FOXJ1: variants seen among roughly 807,000 people sequenced by gnomAD.
FOXJ1 encodes forkhead box J1.
Under a neutral mutation model 29.3 loss-of-function variants are expected in FOXJ1, and 8 were observed. The observed-to-expected ratio is 0.27, with a 90% CI of 0.16 to 0.49. The LOEUF is 0.49. Ranked by LOEUF, FOXJ1 falls within the 20% of genes least tolerant of loss-of-function variation. The pLI, the probability that FOXJ1 is intolerant of heterozygous loss-of-function variation, is 0.98. For missense variants in FOXJ1, 539 were observed against 595.5 expected (o/e 0.91, Z 0.99); for synonymous variants, 280 against 278.7 (o/e 1.00, Z -0.05).
chr17:76,140,128 T>C lies in FOXJ1; in HGVS notation c.268A>G (p.Lys90Glu). 6.3e-7 allele frequency: 1 copy of C among 1,581,054 alleles called. No individual in the cohort carries two copies. The highest frequency in any genetic ancestry group is 8.5e-7 in the Non-Finnish European group (1 of 1,170,814). Residue 90 changes from lysine to glutamate, a missense_variant, in exon 2 of 3, where the codon AAG (lysine) becomes GAG (glutamate). This residue lies in a region of FOXJ1 where 178 missense variants were observed against 254.4 expected (regional missense o/e 0.70). Coordinates refer to ENST00000322957, the MANE Select transcript of FOXJ1 (RefSeq NM_001454.4). This position sits in a 1 kb window ranked among gnomAD's most constrained non-coding sequence, Gnocchi z 8.0. ...ACLGQPHTPG[K>E]PTSSCTSRSA... ...CGCGACGTGCACGACGACGTGGGCTTGCCCGGCGTGTGTGGCTGCCCCAGG... is the reference window on the plus strand; with the variant it reads ...CGCGACGTGCACGACGACGTGGGCTCGCCCGGCGTGTGTGGCTGCCCCAGG...
chr17:76,139,767 G>A lies in FOXJ1; in HGVS notation c.498+131C>T. 1 of 937,404 alleles carries A rather than the reference G, an allele frequency of 1.1e-6. No individual in the cohort carries two copies. The highest frequency in any genetic ancestry group is 1.6e-6 in the Non-Finnish European group (1 of 625,022). The allele number at this position is 937,404 out of a possible 1,614,324, so 58.1% of individuals were successfully genotyped here. A position where few individuals can be genotyped will look rare whatever the true frequency, so the allele number is the denominator to read the frequency against. ...GTTGCAAGAACTGGGCTCCTTTGCA[G>A]GGCTCCCTTCTGGGGCGCTGGCCGC... On this transcript the variant is annotated intron_variant, in intron 2 of 2. Transcript: ENST00000322957. This position sits in a 1 kb window ranked among gnomAD's most constrained non-coding sequence, Gnocchi z 6.6.
rs757426494 is a variant in FOXJ1 at position 76,138,165 on chromosome 17, GT to G, written c.499-46del. 7 of 1,600,276 alleles carry G rather than the reference GT, an allele frequency of 4.4e-6. No homozygotes were observed. The African/African-American group carries it at 9.4e-5, about 21-fold the overall frequency. On this transcript the variant is annotated intron_variant, in intron 2 of 2. Coordinates refer to ENST00000322957, the MANE Select transcript of FOXJ1 (RefSeq NM_001454.4). ...AAGAGAGAGAGGAACCGCTAGGTCA[GT>G]GGGGACGGGGAGATGAAATGGCACC...
Position 76,139,832 on chromosome 17 carries a change from T to C in FOXJ1, c.498+66A>G, listed in dbSNP as rs528101644. 1.2e-4 allele frequency: 186 copies of C among 1,523,006 alleles called. 4 individuals carry two copies. In the South Asian group the frequency reaches 2.1e-3, roughly 17 times the overall value. 94.3% of individuals were successfully genotyped at this position (1,523,006 alleles called of 1,614,324 possible). A position where few individuals can be genotyped will look rare whatever the true frequency, so the allele number is the denominator to read the frequency against. On this transcript the variant is annotated intron_variant, in intron 2 of 2. Transcript: ENST00000322957. The surrounding 1 kb of genome is among the most constrained non-coding windows in gnomAD (Gnocchi z 6.6). ...TTGGCCTGCAGATTTGGGATATGAA[T>C]CCAGTGCAGCGTGGGGAGCGAGGAG...
In FOXJ1 at chr17:76,137,583, G is replaced by A. The variant is rs144580544; in HGVS notation, c.1036C>T (p.Leu346Phe). ...TCGATGTGGCGGCCGTGGATGGTGA[G>A]GTCCACGTCCACGTGTGAGGCGGGG... is the stretch of plus-strand genomic sequence containing the variant. ...LSPASHVDVD[L>F]TIHGRHIDCP... is the part of the protein sequence containing the mutation. The change falls in exon 3 of 3, where the codon CTC becomes TTC. Residue 346 changes from leucine to phenylalanine, a missense_variant. Physicochemically the swap from Leu to Phe is conservative, Grantham distance 22 (BLOSUM62 0). Coordinates refer to ENST00000322957, the MANE Select transcript of FOXJ1 (RefSeq NM_001454.4). This position sits in a 1 kb window ranked among gnomAD's most constrained non-coding sequence, Gnocchi z 9.5. The A allele has an allele frequency of 8.1e-6, 13 of 1,598,898 alleles. No individual in the cohort carries two copies. Among genetic ancestry groups the A allele is most frequent in the Admixed American group, 1.7e-5 (1 of 58,716 alleles).
rs1230396311 is a variant in FOXJ1 at position 76,140,350 on chromosome 17, C to T, written c.46G>A (p.Glu16Lys). ...TCCAGGCCGCCCTCCGGCCCGGCCT[C>T]CTCCGCCGGCCCGGCTCCCGAGAGG... is the stretch of plus-strand genomic sequence containing the variant. ...LRLSGAGPAE[E>K]AGPEGGLEEP... The change falls in exon 2 of 3, where the codon GAG (glutamate) becomes AAG (lysine). Residue 16 changes from glutamate (E) to lysine (K), a missense_variant. Glu to Lys is a moderately conservative substitution (Grantham distance 56, BLOSUM62 1). This residue lies in a region of FOXJ1 where 59 missense variants were observed against 47.5 expected (regional missense o/e 1.24). Transcript: ENST00000322957. This position sits in a 1 kb window ranked among gnomAD's most constrained non-coding sequence, Gnocchi z 8.0. The T allele has an allele frequency of 6.7e-7, 1 of 1,496,654 alleles. No individual in the cohort carries two copies. Among genetic ancestry groups the T allele is most frequent in the Non-Finnish European group, 8.9e-7 (1 of 1,129,582 alleles). The allele number at this position is 1,496,654 out of a possible 1,614,324, so 92.7% of individuals were successfully genotyped here. A position where few individuals can be genotyped will look rare whatever the true frequency, so the allele number is the denominator to read the frequency against.
chr17:76,139,054 C>G lies in FOXJ1; in HGVS notation c.498+844G>C, dbSNP rs2068498785. On this transcript the variant is annotated intron_variant, in intron 2 of 2. Coordinates refer to ENST00000322957, the MANE Select transcript of FOXJ1 (RefSeq NM_001454.4). The surrounding 1 kb of genome is among the most constrained non-coding windows in gnomAD (Gnocchi z 6.6). ...TTAGGTGCTTAATCTTGTCCAAAGC[C>G]TGCTGGGGGACAGGGGTCCTGGGCT... Among the ~76,000 whole-genome samples, 1 of 152,182 alleles carries G rather than the reference C, an allele frequency of 6.6e-6. No homozygotes were observed. Among genetic ancestry groups the G allele is most frequent in the Non-Finnish European group, 1.5e-5 (1 of 68,038 alleles).
Position 76,140,354 on chromosome 17 carries a change from C to A in FOXJ1, c.42G>T (p.Ala14=). The change falls in exon 2 of 3, where the codon GCG becomes GCT. Residue 14 remains alanine, a synonymous_variant. Coordinates refer to ENST00000322957, the MANE Select transcript of FOXJ1 (RefSeq NM_001454.4). The surrounding 1 kb of genome is among the most constrained non-coding windows in gnomAD (Gnocchi z 8.0). Reference sequence around the variant, plus strand: ...GGCCGCCCTCCGGCCCGGCCTCCTCCGCCGGCCCGGCTCCCGAGAGGCGCA... The same window carrying A: ...GGCCGCCCTCCGGCCCGGCCTCCTCAGCCGGCCCGGCTCCCGAGAGGCGCA... ...SWLRLSGAGP[A]EEAGPEGGLE... 6.7e-7 allele frequency: 1 copy of A among 1,495,756 alleles called. No individual in the cohort carries two copies. 92.7% of individuals were successfully genotyped at this position (1,495,756 alleles called of 1,614,324 possible).
At position 76,140,220 on chromosome 17, in the gene FOXJ1, G is replaced by A; in HGVS notation, c.176C>T (p.Pro59Leu). The A allele has an allele frequency of 6.9e-7, 1 of 1,451,960 alleles. No homozygotes were observed. The highest frequency in any genetic ancestry group is 9.0e-7 in the Non-Finnish European group (1 of 1,113,344). The allele number at this position is 1,451,960 out of a possible 1,614,324, so 89.9% of individuals were successfully genotyped here. The change falls in exon 2 of 3, where the codon CCC (proline) becomes CTC (leucine). Residue 59 changes from proline (P) to leucine (L), a missense_variant. Coordinates refer to ENST00000322957, the MANE Select transcript of FOXJ1 (RefSeq NM_001454.4). The surrounding 1 kb of genome is among the most constrained non-coding windows in gnomAD (Gnocchi z 8.0). ...APALPPGGTDPHGYHQVPGSA... is the reference protein window; with the variant it reads ...APALPPGGTDLHGYHQVPGSA... ...ACCTGGCACCTGGTGGTAGCCGTGG[G>A]GGTCGGTGCCCCCCGGGGGCAGGGC...
At position 76,139,827 on chromosome 17, in the gene FOXJ1, A is replaced by G. The variant is rs1275262571; in HGVS notation, c.498+71T>C. On this transcript the variant is annotated intron_variant, in intron 2 of 2. Coordinates refer to ENST00000322957, the MANE Select transcript of FOXJ1 (RefSeq NM_001454.4). This position sits in a 1 kb window ranked among gnomAD's most constrained non-coding sequence, Gnocchi z 6.6. The stretch of plus-strand genomic sequence containing the variant: ...CCTACTTGGCCTGCAGATTTGGGAT[A>G]TGAATCCAGTGCAGCGTGGGGAGCG... The G allele has an allele frequency of 4.0e-6, 6 of 1,508,554 alleles. No homozygotes were observed. The highest frequency in any genetic ancestry group is 5.4e-6 in the Non-Finnish European group (6 of 1,113,976). 93.4% of individuals were successfully genotyped at this position (1,508,554 alleles called of 1,614,324 possible). A position where few individuals can be genotyped will look rare whatever the true frequency, so the allele number is the denominator to read the frequency against.
chr17:76,138,881 G>A (rs1236155870), intron 2 of FOXJ1, among the ~76,000 whole-genome samples: 1 of 152,216 alleles, frequency 6.6e-6, no homozygotes, highest in African/African-American at 2.4e-5. Context: ...GCGGTCCTGT[G>A]GCCTGCCCGC....
Position 76,137,136 on chromosome 17 carries a change from A to C in FOXJ1, c.*217T>G. On this transcript the variant is annotated 3_prime_UTR_variant, in exon 3 of 3. Coordinates refer to ENST00000322957, the MANE Select transcript of FOXJ1 (RefSeq NM_001454.4). The surrounding 1 kb of genome is among the most constrained non-coding windows in gnomAD (Gnocchi z 9.5). ...CTGTGTGTACAAGGTGGGGCTGGGGAGAGGAGGCAGCGATTCTGGTCCTGG... is the reference window on the plus strand; with the variant it reads ...CTGTGTGTACAAGGTGGGGCTGGGGCGAGGAGGCAGCGATTCTGGTCCTGG... The C allele has an allele frequency of 2.1e-6, 1 of 466,830 alleles. No individual in the cohort carries two copies. The allele number at this position is 466,830 out of a possible 1,614,324, so 28.9% of individuals were successfully genotyped here. A position where few individuals can be genotyped will look rare whatever the true frequency, so the allele number is the denominator to read the frequency against.
Position 76,137,812 on chromosome 17 carries a change from C to T in FOXJ1, c.807G>A (p.Arg269=). 6.3e-7 allele frequency: 1 copy of T among 1,598,642 alleles called. No individual in the cohort carries two copies. Among genetic ancestry groups the T allele is most frequent in the Non-Finnish European group, 8.5e-7 (1 of 1,173,250 alleles). ...GEAGWGAGEG[R]LGHKRKQPLP... ...GCGGCTGTTTGCGCTTATGCCCCAG[C>T]CTGCCCTCGCCTGCACCCCAGCCCG... Residue 269 remains arginine (R), a synonymous_variant, in exon 3 of 3, where the codon AGG becomes AGA. Coordinates refer to ENST00000322957, the MANE Select transcript of FOXJ1 (RefSeq NM_001454.4). The surrounding 1 kb of genome is among the most constrained non-coding windows in gnomAD (Gnocchi z 9.5).
chr17:76,138,643 G>A (rs559359832), intron 2 of FOXJ1, among the ~76,000 whole-genome samples: 11 of 152,196 alleles, frequency 7.2e-5, no homozygotes, highest in East Asian at 1.9e-4. Context: ...TTGTTGAGCC[G>A]GCTGCTGGCC....
chr17:76,137,208 C>G lies in FOXJ1; in HGVS notation c.*145G>C. ...GGCTTGAATCTGATGGCAGCTGGGGCTGGTGGCCATGTGGCCTCTGGGGCA... is the reference window on the plus strand; with the variant it reads ...GGCTTGAATCTGATGGCAGCTGGGGGTGGTGGCCATGTGGCCTCTGGGGCA... On this transcript the variant is annotated 3_prime_UTR_variant, in exon 3 of 3. Coordinates refer to ENST00000322957, the MANE Select transcript of FOXJ1 (RefSeq NM_001454.4). This position sits in a 1 kb window ranked among gnomAD's most constrained non-coding sequence, Gnocchi z 9.5. The G allele has an allele frequency of 1.5e-6, 1 of 657,930 alleles. No homozygotes were observed. Among genetic ancestry groups the G allele is most frequent in the South Asian group, 3.5e-5 (1 of 28,904 alleles). The allele number at this position is 657,930 out of a possible 1,614,324, so 40.8% of individuals were successfully genotyped here. A position where few individuals can be genotyped will look rare whatever the true frequency, so the allele number is the denominator to read the frequency against.
In FOXJ1 at chr17:76,137,874, G is replaced by T. The variant is rs781428600; in HGVS notation, c.745C>A (p.Gln249Lys). The T allele has an allele frequency of 1.9e-6, 3 of 1,582,380 alleles. No individual in the cohort carries two copies. The highest frequency in any genetic ancestry group is 1.8e-5 in the Admixed American group (1 of 56,870). The change falls in exon 3 of 3, where the codon CAG (glutamine) becomes AAG (lysine). Residue 249 changes from glutamine to lysine, a missense_variant. Gln to Lys is a moderately conservative substitution (Grantham distance 53). This residue lies in a region of FOXJ1 where 302 missense variants were observed against 293.6 expected (regional missense o/e 1.03). Coordinates refer to ENST00000322957, the MANE Select transcript of FOXJ1 (RefSeq NM_001454.4). This position sits in a 1 kb window ranked among gnomAD's most constrained non-coding sequence, Gnocchi z 9.5. ...GPLTVNTEAQ[Q>K]LLREFEEATG... Reference sequence around the variant, plus strand: ...GCCTCCTCGAACTCCCGCAGCAGCTGCTGGGCCTCGGTATTCACCGTCAGC... The same window carrying T: ...GCCTCCTCGAACTCCCGCAGCAGCTTCTGGGCCTCGGTATTCACCGTCAGC...
In FOXJ1 at chr17:76,137,853, C is replaced by A; in HGVS notation, c.766G>T (p.Glu256Ter). 6.3e-7 allele frequency: 1 copy of A among 1,589,540 alleles called. No homozygotes were observed. The highest frequency in any genetic ancestry group is 8.6e-7 in the Non-Finnish European group (1 of 1,167,920). ...EAQQLLREFE[E>*]ATGEAGWGAG... ...CCCCAGCCCGCCTCCCCGGTGGCCT[C>A]CTCGAACTCCCGCAGCAGCTGCTGG... Residue 256 changes from glutamate (E) to a stop codon, truncating the protein, a stop_gained, in exon 3 of 3, where the codon GAG (glutamate) becomes TAG (stop). Coordinates refer to ENST00000322957, the MANE Select transcript of FOXJ1 (RefSeq NM_001454.4). LOFTEE classifies it high-confidence loss of function. This position sits in a 1 kb window ranked among gnomAD's most constrained non-coding sequence, Gnocchi z 9.5.
Position 76,137,357 on chromosome 17 carries a change from AAGAAGG to A in FOXJ1, c.1256_1261del (p.Ala419_Leu421delinsVal). On this transcript the variant is annotated inframe_deletion, in exon 3 of 3. Coordinates refer to ENST00000322957, the MANE Select transcript of FOXJ1 (RefSeq NM_001454.4). This position sits in a 1 kb window ranked among gnomAD's most constrained non-coding sequence, Gnocchi z 9.5. Reference sequence around the variant, plus strand: ...GGTGGGGCAGGGCCTGGCCTCTTACAAGAAGGCCCCCACGCTGGCCCAGTCCTGCAG... The same window carrying A: ...GGTGGGGCAGGGCCTGGCCTCTTACACCCCCACGCTGGCCCAGTCCTGCAG... 2 of 1,484,892 alleles carry A rather than the reference AAGAAGG, an allele frequency of 1.3e-6. No homozygotes were observed. The highest frequency in any genetic ancestry group is 8.9e-7 in the Non-Finnish European group (1 of 1,119,560). 92.0% of individuals were successfully genotyped at this position (1,484,892 alleles called of 1,614,324 possible).
At chr17:76,138,929 G>T (rs930516898) in intron 2 of FOXJ1, among the ~76,000 whole-genome samples, 1 of 152,188 alleles carries the variant, frequency 6.6e-6, no homozygotes, top group Non-Finnish European at 1.5e-5. Context: ...CGTCCTTGGG[G>T]GGCCCCTGAC....
chr17:76,139,747 A>C lies in FOXJ1; in HGVS notation c.498+151T>G. 1.3e-6 allele frequency: 1 copy of C among 743,688 alleles called. No individual in the cohort carries two copies. The allele number at this position is 743,688 out of a possible 1,614,324, so 46.1% of individuals were successfully genotyped here. On this transcript the variant is annotated intron_variant, in intron 2 of 2. Coordinates refer to ENST00000322957, the MANE Select transcript of FOXJ1 (RefSeq NM_001454.4). This position sits in a 1 kb window ranked among gnomAD's most constrained non-coding sequence, Gnocchi z 6.6. ...TGGAAGTCAAAGGAGGGGCAGTTGC[A>C]AGAACTGGGCTCCTTTGCAGGGCTC...
Sources: gnomAD v4.1 joint callset for allele counts (sites outside exome capture counted in the v4.1 genomes callset) on GRCh38, gnomAD v4.1.1 for gene constraint, gnomAD v4.1.1 regional missense constraint, Gnocchi (gnomAD v3.1) non-coding constraint, MANE v1.5 for transcripts, NCBI Gene and HGNC (gene_info 2026-07-23, HGNC 2026-07-21) for gene names.